Variants in RYR3 observed in about 807,000 individuals in gnomAD.
The protein encoded by RYR3 is ryanodine receptor 3.
In RYR3, 207 loss-of-function variants were observed where a neutral mutation model predicts 584.3. The observed-to-expected ratio is 0.35, with a 90% CI of 0.32 to 0.40. RYR3 has a LOEUF of 0.40. Ranked by LOEUF, RYR3 falls within the 10% of genes least tolerant of loss-of-function variation. The pLI, the probability that RYR3 is intolerant of heterozygous loss-of-function variation, is 1.00. For missense variants in RYR3, 5,616 were observed against 6,089.2 expected (o/e 0.92, Z 2.59); for synonymous variants, 2,416 against 2,248.5 (o/e 1.07, Z -2.11).
At chr15:33,679,725 C>T (rs716368) in intron 38 of RYR3, among the ~76,000 whole-genome samples, 100,585 of 152,006 alleles carry the variant, frequency 0.66, 33,377 homozygotes, top group Admixed American at 0.69. Flanking sequence ...ACCACACTTA[C>T]ATTCATTTTC....
intron 23 of RYR3, among the ~76,000 whole-genome samples, chr15:33,632,215 C>A (rs943638758): frequency 6.6e-6 from 1 of 152,256 alleles, no homozygotes; most frequent in East Asian, 1.9e-4. Context: ...GATTCTGGCC[C>A]TGGCCTAGGC....
intron 19 of RYR3, among the ~76,000 whole-genome samples, chr15:33,617,364 A>G (rs1464884605): frequency 3.3e-5 from 5 of 152,020 alleles, no homozygotes; most frequent in Non-Finnish European, 7.4e-5. Flanking sequence ...GTGAGCAGAG[A>G]TCACACCACT....
chr15:33,379,666 C>CCTCTCT (rs72425368), intron 1 of RYR3, among the ~76,000 whole-genome samples: 1,656 of 129,270 alleles, frequency 0.013, 24 homozygotes, highest in Admixed American at 0.014. Context: ...TGTGTGTGTC[C>CCTCTCT]CTCTCTCTCT....
chr15:33,490,614 A>G (rs988322908), intron 2 of RYR3, among the ~76,000 whole-genome samples: 2 of 152,142 alleles, frequency 1.3e-5, no homozygotes, highest in African/African-American at 4.8e-5. Context: ...AAACAATTTA[A>G]CTTCTTTTAC....
chr15:33,582,195 T>G (rs2058627855), intron 14 of RYR3, among the ~76,000 whole-genome samples: 1 of 152,128 alleles, frequency 6.6e-6, no homozygotes, highest in African/African-American at 2.4e-5. Context: ...TTCCATCCAA[T>G]AGGCCTAGGC....
chr15:33,786,019 G>T (rs1462878874), intron 66 of RYR3, 37 bp downstream of exon 66: 1 of 1,456,142 alleles, frequency 6.9e-7, no homozygotes, highest in Non-Finnish European at 9.2e-7. Flanking sequence ...CAGCCCAGGG[G>T]CCAAGATAAC....
intron 7 of RYR3, among the ~76,000 whole-genome samples, chr15:33,541,308 G>A (rs1051931653): frequency 6.6e-6 from 1 of 152,110 alleles, no homozygotes; most frequent in Admixed American, 6.5e-5. Flanking sequence ...CTCCATGCAG[G>A]CGAAGCACTT....
intron 74 of RYR3, chr15:33,816,078 C>T (rs944335303): frequency 2.5e-6 from 1 of 392,616 alleles, no homozygotes; most frequent in Non-Finnish European, 4.5e-6. Context: ...ATGGCAAGGG[C>T]TGTGTCCTAC....
chr15:33,862,920 A>C (rs1163496524), intron 102 of RYR3, among the ~76,000 whole-genome samples: 2 of 152,250 alleles, frequency 1.3e-5, no homozygotes, highest in East Asian at 1.9e-4. Context: ...CCCGGCCTCA[A>C]AAACTTGAGT....
At chr15:33,816,998 T>C in intron 75 of RYR3, 40 bp downstream of exon 75, 1 of 1,255,348 alleles carries the variant, frequency 8.0e-7, no homozygotes, top group East Asian at 2.4e-5. Context: ...TGAGTGTGGA[T>C]GAATTTGATT....
At chr15:33,331,131 GCCT>G (rs1269029482) in intron 1 of RYR3, among the ~76,000 whole-genome samples, 8 of 152,136 alleles carry the variant, frequency 5.3e-5, no homozygotes, top group African/African-American at 1.9e-4. Context: ...TCAGAACGGA[GCCT>G]CTTCATCCTA....
At chr15:33,457,392 C>T (rs1329466887) in intron 1 of RYR3, among the ~76,000 whole-genome samples, 1 of 152,100 alleles carries the variant, frequency 6.6e-6, no homozygotes, top group African/African-American at 2.4e-5. Context: ...TGTATATACG[C>T]AATGGAATAC....
At chr15:33,801,821 T>C (rs2075933243) in intron 68 of RYR3, 48 bp from the exon 69 acceptor site, 1 of 1,011,832 alleles carries the variant, frequency 9.9e-7, no homozygotes, top group Non-Finnish European at 1.5e-6. Flanking sequence ...ATTTTTGGTT[T>C]ACAGAACTTT....
Position 33,601,453 on chromosome 15 carries a change from A to G in RYR3, c.1823A>G (p.Asn608Ser), listed in dbSNP as rs769499365. 9.3e-6 allele frequency: 15 copies of G among 1,613,090 alleles called. No individual in the cohort carries two copies. Among genetic ancestry groups the G allele is most frequent in the Non-Finnish European group, 1.1e-5 (13 of 1,179,652 alleles). Residue 608 changes from asparagine to serine, a missense_variant, in exon 17 of 104, where the codon AAT becomes AGT. Physicochemically the swap from Asn to Ser is conservative, Grantham distance 46 (BLOSUM62 1). Coordinates refer to ENST00000634891, the MANE Select transcript of RYR3 (RefSeq NM_001036.6). ...ATCCTGTGCTCCCTCTGTCTCTGCA[A>G]TGGGGTTGCAGTGAGAGCCAACCAG... ...LDILCSLCLC[N>S]GVAVRANQNL...
chr15:33,575,396 T>C (rs1408545896), intron 12 of RYR3, among the ~76,000 whole-genome samples: 1 of 152,138 alleles, frequency 6.6e-6, no homozygotes, highest in Non-Finnish European at 1.5e-5. Context: ...TCTCAGCAAA[T>C]GCAAAAGAAA....
At chr15:33,488,414 G>A (rs940410743) in intron 2 of RYR3, among the ~76,000 whole-genome samples, 1 of 147,002 alleles carries the variant, frequency 6.8e-6, no homozygotes, top group East Asian at 2.0e-4. Flanking sequence ...TTCCTCCGCC[G>A]ACTCCTGAAC....
chr15:33,631,877 T>C (rs1487164023), intron 23 of RYR3, among the ~76,000 whole-genome samples: 5 of 152,240 alleles, frequency 3.3e-5, no homozygotes, highest in African/African-American at 1.2e-4. Flanking sequence ...GGTGTCATCA[T>C]TACTTAGGAG....
At chr15:33,772,236 T>C (rs1472723041) in intron 63 of RYR3, 78 bp downstream of exon 63, 20 of 853,648 alleles carry the variant, frequency 2.3e-5, no homozygotes, top group Non-Finnish European at 2.9e-5. Flanking sequence ...TTCACTTACA[T>C]TGACCTTGAG....
intron 18 of RYR3, among the ~76,000 whole-genome samples, chr15:33,604,355 G>A (rs1037021759): frequency 6.6e-6 from 1 of 152,176 alleles, no homozygotes. Flanking sequence ...ATTGCCTCAT[G>A]CCAATGATGA....
Sources: gnomAD v4.1 joint callset for allele counts (sites outside exome capture counted in the v4.1 genomes callset) on GRCh38, gnomAD v4.1.1 for gene constraint, MANE v1.5 for transcripts, NCBI Gene and HGNC (gene_info 2026-07-23, HGNC 2026-07-21) for gene names.